The following LRRC4C variants were observed in gnomAD, a reference collection of about 807,000 sequenced individuals.
LRRC4C encodes leucine-rich repeat-containing protein 4C.
In LRRC4C, 5 loss-of-function variants were observed where a neutral mutation model predicts 33.6. The observed-to-expected ratio is 0.15, with a 90% CI of 0.08 to 0.31. LRRC4C has a LOEUF of 0.31. Ranked by LOEUF, LRRC4C falls within the 10% of genes least tolerant of loss-of-function variation. The pLI is 1.00. For synonymous variants in LRRC4C, 329 were observed against 302.0 expected (o/e 1.09, Z -0.93); for missense variants, 560 against 796.7 (o/e 0.70, Z 3.58).
rs552577009 is a variant in LRRC4C at position 40,698,301 on chromosome 11, C to A, written c.-406-50023G>T. Among the ~76,000 whole-genome samples, 3 of 152,086 alleles carry A rather than the reference C, an allele frequency of 2.0e-5. No individual in the cohort carries two copies. The South Asian group carries it at 6.2e-4, about 32-fold the overall frequency. On this transcript the variant is annotated intron_variant, in intron 2 of 6. Transcript: ENST00000528697. ...TTTTGAAAGTTACAAAATGTTATCT[C>A]ATTAATAGAATTTACATTTCTTATA... is the stretch of plus-strand genomic sequence containing the variant.
chr11:40,352,151 C>CCTTTCCTTCCT (rs1281169767), intron 3 of LRRC4C, among the ~76,000 whole-genome samples: 1 of 119,520 alleles, frequency 8.4e-6, no homozygotes, highest in African/African-American at 3.2e-5. Context: ...TCCTTCCTTC[C>CCTTTCCTTCCT]TTCCTTCCTT....
intron 3 of LRRC4C, among the ~76,000 whole-genome samples, chr11:40,374,657 T>C (rs2030732953): frequency 6.6e-6 from 1 of 152,146 alleles, no homozygotes; most frequent in Non-Finnish European, 1.5e-5. Flanking sequence ...TCATTTCATA[T>C]CCAGCAAGCA....
intron 3 of LRRC4C, among the ~76,000 whole-genome samples, chr11:40,493,560 A>C (rs945173915): frequency 6.6e-6 from 1 of 152,172 alleles, no homozygotes; most frequent in Non-Finnish European, 1.5e-5. Context: ...AAGGTAAAAA[A>C]AAAATTGTGT....
In LRRC4C at chr11:40,648,204, G is replaced by T. The variant is rs772682576; in HGVS notation, c.-332C>A. 6.6e-6 allele frequency: 1 copy of T among 152,076 alleles called. No individual in the cohort carries two copies. The highest frequency in any genetic ancestry group is 1.5e-5 in the Non-Finnish European group (1 of 68,020). 9.4% of individuals were successfully genotyped at this position (152,076 alleles called of 1,614,324 possible). ...CAAAACTGGAACCCACTTAATTTAT[G>T]GCGATTCCAAAGTAGTCTCAGGATG... On this transcript the variant is annotated 5_prime_UTR_variant, in exon 3 of 7. Transcript: ENST00000528697.
chr11:40,756,317 T>TAGCA (rs1948942961), intron 2 of LRRC4C, among the ~76,000 whole-genome samples: 1 of 152,128 alleles, frequency 6.6e-6, no homozygotes. Context: ...CAAGAACCTT[T>TAGCA]AGCACTCTTA....
chr11:41,010,632 A>G (rs1390642742), intron 1 of LRRC4C, among the ~76,000 whole-genome samples: 1 of 152,194 alleles, frequency 6.6e-6, no homozygotes, highest in Non-Finnish European at 1.5e-5. Flanking sequence ...ATAAGGTCCT[A>G]TGTTGGCCAT....
At chr11:40,393,503 T>C (rs936544267) in intron 3 of LRRC4C, among the ~76,000 whole-genome samples, 11 of 152,096 alleles carry the variant, frequency 7.2e-5, no homozygotes, top group African/African-American at 2.7e-4. Context: ...AACAACTTAA[T>C]AGACAGGGTC....
At chr11:40,546,590 T>C (rs1956934738) in intron 3 of LRRC4C, among the ~76,000 whole-genome samples, 1 of 152,064 alleles carries the variant, frequency 6.6e-6, no homozygotes, top group Non-Finnish European at 1.5e-5. Flanking sequence ...TACAGAAAGC[T>C]TAATTAATGT....
At chr11:40,886,888 T>C (rs1955485357) in intron 2 of LRRC4C, among the ~76,000 whole-genome samples, 1 of 147,094 alleles carries the variant, frequency 6.8e-6, no homozygotes, top group Non-Finnish European at 1.5e-5. Context: ...TATATATGTG[T>C]GTGTGTGTGT....
At chr11:40,265,369 C>A (rs1275091466) in intron 4 of LRRC4C, among the ~76,000 whole-genome samples, 4 of 152,166 alleles carry the variant, frequency 2.6e-5, no homozygotes, top group African/African-American at 9.7e-5. Flanking sequence ...TAAGAATATA[C>A]ATACTGTTAG....
At chr11:40,659,448 A>G (rs1358314919) in intron 2 of LRRC4C, among the ~76,000 whole-genome samples, 1 of 152,114 alleles carries the variant, frequency 6.6e-6, no homozygotes, top group East Asian at 1.9e-4. Context: ...TACCAATTCC[A>G]GGTGGAGTCC....
intron 2 of LRRC4C, among the ~76,000 whole-genome samples, chr11:40,758,788 T>G (rs1410558732): frequency 1.3e-5 from 2 of 151,984 alleles, no homozygotes; most frequent in African/African-American, 4.8e-5. Flanking sequence ...TCATTTTTCA[T>G]TCTCCCAGTT....
At chr11:40,994,630 T>C (rs1267878785) in intron 1 of LRRC4C, among the ~76,000 whole-genome samples, 1 of 152,160 alleles carries the variant, frequency 6.6e-6, no homozygotes, top group Non-Finnish European at 1.5e-5. Context: ...TGCATCTCTC[T>C]AAATTCTCAT....
intron 3 of LRRC4C, among the ~76,000 whole-genome samples, chr11:40,570,542 A>G (rs929218580): frequency 6.6e-6 from 1 of 152,194 alleles, no homozygotes; most frequent in Non-Finnish European, 1.5e-5. Context: ...TTGTATCTTT[A>G]TAACCCATAA....
intron 1 of LRRC4C, among the ~76,000 whole-genome samples, chr11:41,167,069 C>T (rs1235606732): frequency 6.6e-6 from 1 of 152,016 alleles, no homozygotes; most frequent in Non-Finnish European, 1.5e-5. Context: ...TACAGCAAAA[C>T]CAGTGACATA....
intron 1 of LRRC4C, among the ~76,000 whole-genome samples, chr11:41,304,332 C>T (rs1283051184): frequency 1.9e-5 from 2 of 107,648 alleles, no homozygotes; most frequent in East Asian, 3.2e-4. Flanking sequence ...CCAGCCGCCC[C>T]GTCCGGGAGG....
At chr11:40,466,379 T>C (rs1952652998) in intron 3 of LRRC4C, among the ~76,000 whole-genome samples, 1 of 151,920 alleles carries the variant, frequency 6.6e-6, no homozygotes, top group African/African-American at 2.4e-5. Flanking sequence ...AATATATCAA[T>C]GTAACAATAC....
At chr11:40,827,854 T>C (rs920504489) in intron 2 of LRRC4C, among the ~76,000 whole-genome samples, 2 of 151,676 alleles carry the variant, frequency 1.3e-5, no homozygotes, top group Non-Finnish European at 3.0e-5. Flanking sequence ...ATACCACATA[T>C]GAAGGATTTA....
intron 5 of LRRC4C, among the ~76,000 whole-genome samples, chr11:40,183,194 C>T (rs894383624): frequency 5.3e-5 from 8 of 152,072 alleles, no homozygotes; most frequent in Admixed American, 4.6e-4. Context: ...TGAATTTAAT[C>T]AAGGCATTTT....
Sources: allele counts gnomAD v4.1 joint callset (sites outside exome capture counted in the v4.1 genomes callset), GRCh38; gene constraint gnomAD v4.1.1; transcripts MANE v1.5; gene names NCBI Gene and HGNC (gene_info 2026-07-23, HGNC 2026-07-21).